The following RARRES1 variants were observed in gnomAD, a reference collection of about 807,000 sequenced individuals.
RARRES1 encodes the protein retinoic acid receptor responder 1, also known as retinoic acid receptor responder protein 1.
A neutral mutation model predicts 30.6 loss-of-function variants in RARRES1; 34 were observed. That is an observed-to-expected ratio of 1.11 (90% confidence interval 0.84 to 1.48). The LOEUF (loss-of-function observed/expected upper bound fraction) is 1.48, where lower values mean the gene tolerates loss of function less well. Ranked by LOEUF, RARRES1 falls within the 40% of genes most tolerant of loss-of-function variation. The pLI, the probability that RARRES1 is intolerant of heterozygous loss-of-function variation, is 0.00. For missense variants in RARRES1, 373 were observed against 386.5 expected (o/e 0.97, Z 0.29); for synonymous variants, 153 against 155.5 (o/e 0.98, Z 0.12).
At chr3:158,719,269 ATTTT>A (rs574609197) in intron 1 of RARRES1, among the ~76,000 whole-genome samples, 5 of 122,136 alleles carry the variant, frequency 4.1e-5, no homozygotes, top group Admixed American at 8.4e-5. Flanking sequence ...TTATGCTCTA[ATTTT>A]TTTTTTTTTT....
intron 1 of RARRES1, among the ~76,000 whole-genome samples, chr3:158,720,289 A>C (rs957090701): frequency 1.0e-4 from 14 of 139,910 alleles, no homozygotes; most frequent in African/African-American, 3.8e-4. Flanking sequence ...AGAGAGAGAG[A>C]GAGAGAGAGC....
At chr3:158,714,143 G>A (rs1008015487) in intron 1 of RARRES1, among the ~76,000 whole-genome samples, 9 of 152,130 alleles carry the variant, frequency 5.9e-5, no homozygotes, top group African/African-American at 2.2e-4. Flanking sequence ...GAAAAGAACA[G>A]GAGTGTGCAG....
At chr3:158,714,413 AAGC>A (rs998637399) in intron 1 of RARRES1, among the ~76,000 whole-genome samples, 42 of 152,192 alleles carry the variant, frequency 2.8e-4, no homozygotes, top group African/African-American at 9.9e-4. Context: ...GACAGGAAGG[AAGC>A]AGCCATCCCA....
chr3:158,710,870 G>T lies in RARRES1; in HGVS notation c.403C>A (p.Gln135Lys). ...ACATTGATGGTTGGTCTGGGTTTCT[G>T]ATTCTTGAAAAACACTCGAGCAGAA... Reference protein sequence around the residue: ...KCSARVFFKNQKPRPTINVTC... With the variant: ...KCSARVFFKNKKPRPTINVTC... The change falls in exon 3 of 6, where the codon CAG becomes AAG. Residue 135 changes from glutamine to lysine, a missense_variant. Physicochemically the swap from Gln to Lys is moderately conservative, Grantham distance 53. Coordinates refer to ENST00000237696, the MANE Select transcript of RARRES1 (RefSeq NM_206963.2). 6.2e-7 allele frequency: 1 copy of T among 1,613,930 alleles called. No individual in the cohort carries two copies. The highest frequency in any genetic ancestry group is 1.1e-5 in the South Asian group (1 of 91,066).
intron 4 of RARRES1, among the ~76,000 whole-genome samples, chr3:158,704,210 CTTTTTTTTTTTTTTTTTT>C (rs78169321): frequency 3.4e-4 from 28 of 82,810 alleles, no homozygotes; most frequent in Non-Finnish European, 5.1e-4. Flanking sequence ...TATTGCAATA[CTTTTTTTTTTTTTTTTTT>C]TTTTTTTTTT....
intron 3 of RARRES1, among the ~76,000 whole-genome samples, chr3:158,705,501 C>T (rs563394720): frequency 1.3e-5 from 2 of 152,082 alleles, no homozygotes; most frequent in East Asian, 3.9e-4. Flanking sequence ...AATGCAGTGC[C>T]ACAATTACTC....
chr3:158,702,667 C>T (rs1726775643), intron 4 of RARRES1, among the ~76,000 whole-genome samples: 1 of 152,190 alleles, frequency 6.6e-6, no homozygotes, highest in African/African-American at 2.4e-5. Context: ...ACAACCTCTT[C>T]CCCCTAACTT....
At chr3:158,720,440 G>A (rs1727480388) in intron 1 of RARRES1, among the ~76,000 whole-genome samples, 1 of 152,096 alleles carries the variant, frequency 6.6e-6, no homozygotes, top group African/African-American at 2.4e-5. Context: ...CACAAACTAG[G>A]TGGCTTACAA....
chr3:158,716,558 T>A (rs963927602), intron 1 of RARRES1, among the ~76,000 whole-genome samples: 3 of 151,370 alleles, frequency 2.0e-5, no homozygotes, highest in African/African-American at 7.3e-5. Context: ...CTTTGCTGAT[T>A]TGATTTATTT....
chr3:158,713,672 G>A (rs1024367346), intron 2 of RARRES1, 125 bp downstream of exon 2: 2 of 893,266 alleles, frequency 2.2e-6, no homozygotes, highest in East Asian at 5.1e-5. Flanking sequence ...ATAACAAATA[G>A]GAAACAGATC....
chr3:158,711,658 C>T (rs990110184), intron 2 of RARRES1, among the ~76,000 whole-genome samples: 7 of 147,398 alleles, frequency 4.7e-5, no homozygotes, highest in South Asian at 4.3e-4. Flanking sequence ...TGCAATGGCA[C>T]GATCTCGGCT....
chr3:158,727,011 G>T (rs746356086), intron 1 of RARRES1, among the ~76,000 whole-genome samples: 4 of 152,152 alleles, frequency 2.6e-5, no homozygotes, highest in Non-Finnish European at 5.9e-5. Context: ...TCCCGTTCTT[G>T]CCATGTGACA....
Position 158,723,635 on chromosome 3 carries a change from G to C in RARRES1, c.276+8505C>G, listed in dbSNP as rs1202322024. The stretch of plus-strand genomic sequence containing the variant: ...CAATGGAGAGGAAAGCCAGAATACT[G>C]TGTGTCCTCTCTCTCAGCCAACCCT... On this transcript the variant is annotated intron_variant, in intron 1 of 5. Transcript: ENST00000237696. This position sits in a 1 kb window ranked among gnomAD's most constrained non-coding sequence, Gnocchi z 4.4. 6.6e-6 allele frequency among the ~76,000 whole-genome samples: 1 copy of C among 152,220 alleles called. No homozygotes were observed. The highest frequency in any genetic ancestry group is 6.5e-5 in the Admixed American group (1 of 15,282).
At chr3:158,727,082 G>T (rs115379459) in intron 1 of RARRES1, among the ~76,000 whole-genome samples, 10 of 152,174 alleles carry the variant, frequency 6.6e-5, no homozygotes, top group Admixed American at 6.5e-4. Flanking sequence ...TCCAGAAGCG[G>T]ATGCCAGCAC....
At chr3:158,706,872 A>G (rs988572039) in intron 3 of RARRES1, among the ~76,000 whole-genome samples, 5 of 152,200 alleles carry the variant, frequency 3.3e-5, no homozygotes, top group Non-Finnish European at 5.9e-5. Flanking sequence ...TGGATGATGT[A>G]AAGTGCTGCA....
intron 1 of RARRES1, among the ~76,000 whole-genome samples, chr3:158,720,232 T>A (rs1227395402): frequency 1.5e-5 from 1 of 64,860 alleles, no homozygotes; most frequent in Non-Finnish European, 3.2e-5. Context: ...AGCTGGCTGC[T>A]GGTGTGTGTG....
At chr3:158,712,351 A>G (rs1418277258) in intron 2 of RARRES1, among the ~76,000 whole-genome samples, 1 of 152,194 alleles carries the variant, frequency 6.6e-6, no homozygotes, top group East Asian at 1.9e-4. Context: ...TGATCATCGC[A>G]CTTCCCTCCA....
rs1726600314 is a variant in RARRES1 at position 158,697,951 on chromosome 3, A to G, written c.692T>C (p.Ile231Thr). Residue 231 changes from isoleucine (I) to threonine (T), a missense_variant, in exon 5 of 6, where the codon ATT (isoleucine) becomes ACT (threonine). Coordinates refer to ENST00000237696, the MANE Select transcript of RARRES1 (RefSeq NM_206963.2). Reference protein sequence around the residue: ...VRQWKTNDDTIDFDYTVLLHE... With the variant: ...VRQWKTNDDTTDFDYTVLLHE... ...AAGTAGAACAGTATAATCAAAATCAATTGTATCATCATTAGTTTTCTAGAG... is the reference window on the plus strand; with the variant it reads ...AAGTAGAACAGTATAATCAAAATCAGTTGTATCATCATTAGTTTTCTAGAG... 3 of 1,532,440 alleles carry G rather than the reference A, an allele frequency of 2.0e-6. No homozygotes were observed. The highest frequency in any genetic ancestry group is 4.5e-5 in the East Asian group (2 of 44,432). The allele number at this position is 1,532,440 out of a possible 1,614,324, so 94.9% of individuals were successfully genotyped here. A position where few individuals can be genotyped will look rare whatever the true frequency, so the allele number is the denominator to read the frequency against.
rs541057418 is a variant in RARRES1, at chr3:158,718,528, C to G, written c.277-4669G>C. Among the ~76,000 whole-genome samples, 10 of 152,280 alleles carry G rather than the reference C, an allele frequency of 6.6e-5. No homozygotes were observed. In the East Asian group the frequency reaches 1.9e-3, roughly 29 times the overall value. Reference sequence around the variant, plus strand: ...CTGGCAATCAAGAAAGTGGACAGGGCCCATTGCTGGGTGGGGTTTGGGGCT... The same window carrying G: ...CTGGCAATCAAGAAAGTGGACAGGGGCCATTGCTGGGTGGGGTTTGGGGCT... On this transcript the variant is annotated intron_variant, in intron 1 of 5. Transcript: ENST00000237696.
Sources: gnomAD v4.1 joint callset for allele counts (sites outside exome capture counted in the v4.1 genomes callset) on GRCh38, gnomAD v4.1.1 for gene constraint, Gnocchi (gnomAD v3.1) non-coding constraint, MANE v1.5 for transcripts, NCBI Gene and HGNC (gene_info 2026-07-23, HGNC 2026-07-21) for gene names.